Variants in NTRK3 observed in about 807,000 individuals in gnomAD.
NTRK3 encodes the protein NT-3 growth factor receptor.
Under a neutral mutation model 91.7 loss-of-function variants are expected in NTRK3, and 24 were observed. The ratio of observed to expected loss-of-function variants is 0.26; its 90% confidence interval spans 0.19 to 0.37. The LOEUF (loss-of-function observed/expected upper bound fraction) is 0.37. Among genes scored for constraint, NTRK3 ranks in the 10% least tolerant of loss-of-function variants. The pLI, the probability that NTRK3 is intolerant of heterozygous loss-of-function variation, is 1.00. For synonymous variants in NTRK3, 483 were observed against 404.0 expected (o/e 1.20, Z -2.34); for missense variants, 880 against 1,068.9 (o/e 0.82, Z 2.46).
intron 14 of NTRK3, among the ~76,000 whole-genome samples, chr15:87,955,208 G>A (rs182176800): frequency 3.3e-5 from 5 of 152,330 alleles, no homozygotes; most frequent in Admixed American, 2.6e-4. Context: ...CCTTGTGCCC[G>A]TGGACACAGA....
rs76675318 is a variant in NTRK3 at position 88,203,332 on chromosome 15, A to G, written c.249-19033T>C. 4.2e-3 allele frequency among the ~76,000 whole-genome samples: 635 copies of G among 152,256 alleles called. 4 individuals are homozygous for G. The highest frequency in any genetic ancestry group is 0.014 in the African/African-American group (585 of 41,548). On this transcript the variant is annotated intron_variant, in intron 3 of 18. Transcript: ENST00000394480. The stretch of plus-strand genomic sequence containing the variant: ...TACCAGCTGCTACACATGGGAACCC[A>G]TGTGTGTCTTTCCAGCTCTGTCTCC...
chr15:88,130,989 T>C (rs1458219449), intron 10 of NTRK3, among the ~76,000 whole-genome samples: 6 of 152,366 alleles, frequency 3.9e-5, no homozygotes, highest in African/African-American at 1.4e-4. Flanking sequence ...AAGTGCCTTG[T>C]ATGATTTTGT....
chr15:88,062,125 G>A (rs2046276789), intron 13 of NTRK3, among the ~76,000 whole-genome samples: 1 of 152,202 alleles, frequency 6.6e-6, no homozygotes, highest in African/African-American at 2.4e-5. Flanking sequence ...CCGGGAGGAT[G>A]TGTGTAGGTT....
chr15:87,881,112 G>A (rs1360939942), intron 17 of NTRK3, among the ~76,000 whole-genome samples: 1 of 152,166 alleles, frequency 6.6e-6, no homozygotes, highest in African/African-American at 2.4e-5. Flanking sequence ...TGAAAGCCAA[G>A]GGGAAAAGGA....
At chr15:88,069,373 T>C (rs2142667067) in intron 13 of NTRK3, among the ~76,000 whole-genome samples, 1 of 152,342 alleles carries the variant, frequency 6.6e-6, no homozygotes, top group Middle Eastern at 3.4e-3. Context: ...CAACAAGTTT[T>C]TCCAGAGTAG....
At chr15:87,993,923 T>G (rs574289602) in intron 14 of NTRK3, among the ~76,000 whole-genome samples, 56 of 152,326 alleles carry the variant, frequency 3.7e-4, no homozygotes, top group Admixed American at 1.8e-3. Context: ...TAAGCTTACC[T>G]AAAAATAATT....
exon 19 of NTRK3, chr15:87,872,421 C>T (rs2064845173): frequency 1.8e-5 from 4 of 225,336 alleles, no homozygotes; most frequent in Non-Finnish European, 8.8e-6. Flanking sequence ...TCAAACATCC[C>T]GGCCTCTTAC....
intron 13 of NTRK3, among the ~76,000 whole-genome samples, chr15:88,091,199 T>C (rs2048984920): frequency 6.6e-6 from 1 of 152,158 alleles, no homozygotes; most frequent in African/African-American, 2.4e-5. Flanking sequence ...AGGTTAGACC[T>C]TTTGTTAACG....
Position 87,940,616 on chromosome 15 carries a change from G to C in NTRK3, c.1716+7C>G, listed in dbSNP as rs1175119268. 1 of 1,613,404 alleles carries C rather than the reference G, an allele frequency of 6.2e-7. No individual in the cohort carries two copies. Among genetic ancestry groups the C allele is most frequent in the East Asian group, 2.2e-5 (1 of 44,878 alleles). ...CCTCCTGGTGCCGGCATGCCTCTGG[G>C]GTTTACCTTCACAGCCACAAGCATC... On this transcript the variant is annotated splice_region_variant and intron_variant, in intron 15 of 18. Coordinates refer to ENST00000394480, the Ensembl canonical transcript of NTRK3.
chr15:87,982,548 T>C (rs1179890402), intron 14 of NTRK3, among the ~76,000 whole-genome samples: 2 of 152,146 alleles, frequency 1.3e-5, no homozygotes, highest in Non-Finnish European at 2.9e-5. Flanking sequence ...CAGAGCTGGG[T>C]CTTCAGGGAT....
chr15:87,969,377 A>G (rs1489406772), intron 14 of NTRK3, among the ~76,000 whole-genome samples: 2 of 152,148 alleles, frequency 1.3e-5, no homozygotes, highest in Non-Finnish European at 2.9e-5. Flanking sequence ...GCGTCCCCCA[A>G]CTCATATATT....
chr15:87,970,735 A>AT (rs2073188071), intron 14 of NTRK3, among the ~76,000 whole-genome samples: 1 of 152,194 alleles, frequency 6.6e-6, no homozygotes, highest in African/African-American at 2.4e-5. Context: ...CATGAGACTA[A>AT]GGAGAAACAT....
chr15:88,014,677 T>A (rs189986934), intron 14 of NTRK3, among the ~76,000 whole-genome samples: 1 of 152,284 alleles, frequency 6.6e-6, no homozygotes, highest in African/African-American at 2.4e-5. Context: ...CTTTTCCACC[T>A]GCCAAAAAAA....
chr15:88,037,089 C>T (rs1184260101), intron 13 of NTRK3, among the ~76,000 whole-genome samples: 1 of 152,136 alleles, frequency 6.6e-6, no homozygotes, highest in East Asian at 1.9e-4. Context: ...GCCACAGACT[C>T]CCAAGCCACA....
At chr15:88,092,456 T>C (rs1333646425) in intron 13 of NTRK3, among the ~76,000 whole-genome samples, 8 of 152,124 alleles carry the variant, frequency 5.3e-5, no homozygotes, top group African/African-American at 1.9e-4. Flanking sequence ...CTCTGGTAGG[T>C]TGCATTCCCA....
chr15:88,117,428 C>A (rs1226828691), intron 13 of NTRK3, among the ~76,000 whole-genome samples: 1 of 152,126 alleles, frequency 6.6e-6, no homozygotes, highest in Non-Finnish European at 1.5e-5. Context: ...TGTCTTTCGC[C>A]CAAATCCCAG....
intron 6 of NTRK3, among the ~76,000 whole-genome samples, chr15:88,146,217 T>C (rs1477997839): frequency 2.0e-5 from 3 of 152,176 alleles, no homozygotes; most frequent in African/African-American, 7.2e-5. Context: ...CATGGGGTGA[T>C]AGGCTACTGG....
chr15:88,188,154 C>A (rs1462473577), intron 3 of NTRK3, among the ~76,000 whole-genome samples: 2 of 152,104 alleles, frequency 1.3e-5, no homozygotes, highest in Non-Finnish European at 2.9e-5. Flanking sequence ...ATGGTGATGG[C>A]CCCCACAGGA....
chr15:88,203,931 G>T (rs2048510942), intron 3 of NTRK3, among the ~76,000 whole-genome samples: 1 of 151,006 alleles, frequency 6.6e-6, no homozygotes, highest in Non-Finnish European at 1.5e-5. Context: ...TGTTACACGG[G>T]TATACATATG....
Sources: gnomAD v4.1 joint callset for allele counts (sites outside exome capture counted in the v4.1 genomes callset) on GRCh38, gnomAD v4.1.1 for gene constraint, MANE v1.5 for transcripts, NCBI Gene and HGNC (gene_info 2026-07-23, HGNC 2026-07-21) for gene names.